Variants in LHFPL3 observed in about 807,000 individuals in gnomAD.
The protein encoded by LHFPL3 is LHFPL tetraspan subfamily member 3 protein.
Under a neutral mutation model 19.3 loss-of-function variants are expected in LHFPL3, and 5 were observed. The observed-to-expected ratio is 0.26, with a 90% CI of 0.14 to 0.54. The LOEUF (loss-of-function observed/expected upper bound fraction) is 0.54. Among genes scored for constraint, LHFPL3 ranks in the 20% least tolerant of loss-of-function variants. The probability of loss-of-function intolerance (pLI) is 0.94; values close to 1 mark genes in which losing one functional copy is unlikely to be tolerated. For synonymous variants in LHFPL3, 133 were observed against 126.2 expected, an observed-to-expected ratio of 1.05 and a Z score of -0.36; for missense variants, 249 against 307.4, an observed-to-expected ratio of 0.81 and a Z score of 1.42.
chr7:104,432,912 G>T (rs1027543515), intron 1 of LHFPL3, among the ~76,000 whole-genome samples: 3 of 152,074 alleles, frequency 2.0e-5, no homozygotes, highest in Non-Finnish European at 4.4e-5. Context: ...AGATGTGAAT[G>T]ACCCTACTAA....
intron 1 of LHFPL3, among the ~76,000 whole-genome samples, chr7:104,480,667 TAAC>T (rs1005808265): frequency 2.6e-5 from 4 of 152,108 alleles, no homozygotes; most frequent in African/African-American, 9.7e-5. Flanking sequence ...GGAAAAAAAA[TAAC>T]AAATTGTGGA....
intron 1 of LHFPL3, among the ~76,000 whole-genome samples, chr7:104,723,744 AAAAAAAAG>A (rs1793533001): frequency 1.3e-5 from 2 of 148,834 alleles, no homozygotes; most frequent in African/African-American, 5.1e-5. Context: ...AAAAAAAAAA[AAAAAAAAG>A]ATGATCTCTG....
intron 1 of LHFPL3, among the ~76,000 whole-genome samples, chr7:104,358,440 T>C (rs1336740032): frequency 3.9e-5 from 6 of 152,208 alleles, no homozygotes; most frequent in Admixed American, 2.6e-4. Context: ...CAGTTTCATA[T>C]GTTTACCTTT....
chr7:104,761,809 G>A (rs1222975994), intron 2 of LHFPL3, among the ~76,000 whole-genome samples: 1 of 152,072 alleles, frequency 6.6e-6, no homozygotes, highest in Admixed American at 6.6e-5. Context: ...CCATCCTTGG[G>A]ATGAAAAGAC....
intron 1 of LHFPL3, among the ~76,000 whole-genome samples, chr7:104,618,240 A>T (rs961874191): frequency 6.6e-6 from 1 of 152,226 alleles, no homozygotes; most frequent in Non-Finnish European, 1.5e-5. Flanking sequence ...GAATAATGAC[A>T]TTCTATAATT....
chr7:104,814,775 C>T (rs1033938784), intron 2 of LHFPL3, among the ~76,000 whole-genome samples: 1 of 152,234 alleles, frequency 6.6e-6, no homozygotes, highest in African/African-American at 2.4e-5. Flanking sequence ...GCTGGCGTGT[C>T]AGCACTGCCC....
chr7:104,789,667 C>T (rs542979539), intron 2 of LHFPL3, among the ~76,000 whole-genome samples: 15 of 152,192 alleles, frequency 9.9e-5, no homozygotes, highest in Admixed American at 3.3e-4. Flanking sequence ...ATTTGCACAG[C>T]TTAAAGAGGT....
At chr7:104,604,093 G>A (rs1791040264) in intron 1 of LHFPL3, among the ~76,000 whole-genome samples, 1 of 152,224 alleles carries the variant, frequency 6.6e-6, no homozygotes, top group Admixed American at 6.5e-5. Context: ...GCAGGTTTCT[G>A]CCTTGGCCCC....
chr7:104,898,635 A>C (rs12672211), intron 2 of LHFPL3, among the ~76,000 whole-genome samples: 24,058 of 152,088 alleles, frequency 0.16, 4,289 homozygotes, highest in East Asian at 0.48. Flanking sequence ...GCTTCCAGTT[A>C]CTTCAGAAAG....
chr7:104,419,200 G>A (rs1584306716), intron 1 of LHFPL3, among the ~76,000 whole-genome samples: 1 of 152,326 alleles, frequency 6.6e-6, no homozygotes, highest in East Asian at 1.9e-4. Flanking sequence ...AACTATGGAT[G>A]ATGCTTTGAT....
At chr7:104,654,503 T>C (rs1033639208) in intron 1 of LHFPL3, among the ~76,000 whole-genome samples, 1 of 152,192 alleles carries the variant, frequency 6.6e-6, no homozygotes. Flanking sequence ...AATAGCTGCA[T>C]GACCTTGGGC....
chr7:104,436,335 G>A (rs1472309362), intron 1 of LHFPL3, among the ~76,000 whole-genome samples: 1 of 152,106 alleles, frequency 6.6e-6, no homozygotes. Context: ...ACAACCCTAT[G>A]AGGCATGTAT....
At chr7:104,807,468 A>C (rs1179771673) in intron 2 of LHFPL3, among the ~76,000 whole-genome samples, 1 of 152,222 alleles carries the variant, frequency 6.6e-6, no homozygotes, top group Admixed American at 6.5e-5. Flanking sequence ...TTGTTACAGC[A>C]GCCCTAGAAA....
intron 2 of LHFPL3, chr7:104,744,051 A>G (rs1793992104): frequency 6.7e-6 from 1 of 148,750 alleles, no homozygotes; most frequent in African/African-American, 2.5e-5. Flanking sequence ...GTGCCTTACC[A>G]TGTTGCCCAA....
At chr7:104,814,665 G>A (rs773631400) in intron 2 of LHFPL3, among the ~76,000 whole-genome samples, 53 of 152,264 alleles carry the variant, frequency 3.5e-4, no homozygotes, top group African/African-American at 9.9e-4. Context: ...GGTGCCAAGC[G>A]GCACCTATAG....
intron 2 of LHFPL3, among the ~76,000 whole-genome samples, chr7:104,828,444 A>G (rs1790867221): frequency 1.3e-5 from 2 of 151,952 alleles, no homozygotes; most frequent in Non-Finnish European, 2.9e-5. Flanking sequence ...AGTAACTCAA[A>G]TCCAGCCCCT....
chr7:104,432,524 T>C (rs1792022302), intron 1 of LHFPL3, among the ~76,000 whole-genome samples: 1 of 151,674 alleles, frequency 6.6e-6, no homozygotes, highest in African/African-American at 2.4e-5. Flanking sequence ...CTGGAGATGA[T>C]CTCATCTCCT....
intron 2 of LHFPL3, among the ~76,000 whole-genome samples, chr7:104,746,744 T>G (rs1233025742): frequency 1.3e-5 from 2 of 152,192 alleles, no homozygotes; most frequent in East Asian, 3.8e-4. Flanking sequence ...GATAGAGATT[T>G]TATAAAAATA....
chr7:104,673,675 T>G (rs774184641), intron 1 of LHFPL3, among the ~76,000 whole-genome samples: 10 of 152,222 alleles, frequency 6.6e-5, no homozygotes, highest in African/African-American at 9.6e-5. Context: ...GAGAGTTTGA[T>G]GAAGGGCAAA....
Sources: allele counts gnomAD v4.1 joint callset (sites outside exome capture counted in the v4.1 genomes callset), GRCh38; gene constraint gnomAD v4.1.1; transcripts MANE v1.5; gene names NCBI Gene and HGNC (gene_info 2026-07-23, HGNC 2026-07-21).